The following AOPEP variants were observed in gnomAD, a reference collection of about 807,000 sequenced individuals.
AOPEP encodes aminopeptidase O.
In AOPEP, 77 loss-of-function variants were observed where a neutral mutation model predicts 98.1. The observed-to-expected ratio is 0.78, with a 90% CI of 0.65 to 0.95. AOPEP has a LOEUF of 0.95. Ranked by LOEUF, AOPEP falls within the 40% of genes least tolerant of loss-of-function variation. AOPEP has a pLI of 0.00. For missense variants in AOPEP, 1,024 were observed against 1,024.7 expected (o/e 1.00, Z 0.01); for synonymous variants, 346 against 365.3 (o/e 0.95, Z 0.60).
chr9:95,080,856 G>GTATC (rs1320445104), intron 15 of AOPEP, 76 bp downstream of exon 15: 1 of 960,960 alleles, frequency 1.0e-6, no homozygotes. Context: ...CACGTTCTCA[G>GTATC]TATCTCTTTC....
rs2056588494 is a variant in AOPEP at position 94,938,381 on chromosome 9, C to A, written c.1661+9850C>A. On this transcript the variant is annotated intron_variant, in intron 7 of 16. Transcript: ENST00000375315. ...TATTTGGAGAGCTGAAATACTGGTC[C>A]CAAGATAGATAGGTAATCCTAGGCT... is the stretch of plus-strand genomic sequence containing the variant. Among the ~76,000 whole-genome samples the A allele has an allele frequency of 2.6e-5, 4 of 151,994 alleles. No individual in the cohort carries two copies. In the South Asian group the frequency reaches 8.3e-4, roughly 32 times the overall value.
chr9:94,927,659 G>T (rs1164391784), intron 6 of AOPEP, among the ~76,000 whole-genome samples: 1 of 152,184 alleles, frequency 6.6e-6, no homozygotes, highest in African/African-American at 2.4e-5. Context: ...TGATGTTAGT[G>T]TTCCTGCCCA....
the AOPEP span, chr9:95,126,559 G>A: frequency 1.2e-6 from 2 of 1,614,046 alleles, no homozygotes; most frequent in Non-Finnish European, 1.7e-6. Flanking sequence ...CCGGAATATG[G>A]CAGGGTGGCA....
chr9:94,836,573 G>C (rs1177215161), intron 5 of AOPEP, among the ~76,000 whole-genome samples: 1 of 152,128 alleles, frequency 6.6e-6, no homozygotes, highest in Non-Finnish European at 1.5e-5. Context: ...TGAGTTTTGA[G>C]AGTTCCATTA....
At chr9:94,853,561 A>G (rs1031566088) in intron 5 of AOPEP, among the ~76,000 whole-genome samples, 5 of 152,220 alleles carry the variant, frequency 3.3e-5, no homozygotes, top group Non-Finnish European at 5.9e-5. Context: ...AAGCTTTTCT[A>G]TTATTTTTAA....
chr9:94,796,271 T>C (rs1297285394), intron 4 of AOPEP, among the ~76,000 whole-genome samples: 1 of 152,238 alleles, frequency 6.6e-6, no homozygotes, highest in Non-Finnish European at 1.5e-5. Context: ...GAGTTTTCCC[T>C]TCCTTTATCA....
At chr9:94,973,720 A>G in intron 10 of AOPEP, among the ~76,000 whole-genome samples, 1 of 152,238 alleles carries the variant, frequency 6.6e-6, no homozygotes, top group East Asian at 1.9e-4. Flanking sequence ...TAGTACGGAT[A>G]CGCAGGACTC....
At chr9:95,111,172 A>G in the AOPEP span, 1 of 1,535,744 alleles carries the variant, frequency 6.5e-7, no homozygotes, top group African/African-American at 1.4e-5. Context: ...CCTGGGGCAG[A>G]TATGGCAGCT....
intron 1 of AOPEP, among the ~76,000 whole-genome samples, chr9:94,738,213 C>T (rs1471101816): frequency 6.6e-6 from 1 of 152,180 alleles, no homozygotes; most frequent in Non-Finnish European, 1.5e-5. Flanking sequence ...GGTCAAGGGC[C>T]TTCTCTAAGG....
At chr9:94,968,754 G>A (rs898912148) in intron 10 of AOPEP, among the ~76,000 whole-genome samples, 3 of 152,182 alleles carry the variant, frequency 2.0e-5, no homozygotes, top group African/African-American at 2.4e-5. Context: ...GCTAGCATAC[G>A]TTTTAAAAGT....
the AOPEP span, among the ~76,000 whole-genome samples, chr9:95,147,578 T>C: frequency 4.6e-5 from 7 of 152,268 alleles, no homozygotes; most frequent in South Asian, 2.1e-4. Flanking sequence ...ACTCATGAGA[T>C]GGAGACATCT....
Position 94,930,003 on chromosome 9 carries a change from G to A in AOPEP, c.1661+1472G>A, listed in dbSNP as rs1169938924. On this transcript the variant is annotated intron_variant, in intron 7 of 16. Coordinates refer to ENST00000375315, the MANE Select transcript of AOPEP (RefSeq NM_001193329.3). This position sits in a 1 kb window ranked among gnomAD's most constrained non-coding sequence, Gnocchi z 4.5. Reference sequence around the variant, plus strand: ...GGCAGGCAGGAGCCAGGTCACACGAGTCTTTCCCCAAGTTCTTCAGAAGCT... The same window carrying A: ...GGCAGGCAGGAGCCAGGTCACACGAATCTTTCCCCAAGTTCTTCAGAAGCT... Among the ~76,000 whole-genome samples, 1 of 152,204 alleles carries A rather than the reference G, an allele frequency of 6.6e-6. No individual in the cohort carries two copies. Among genetic ancestry groups the A allele is most frequent in the East Asian group, 1.9e-4 (1 of 5,192 alleles).
At chr9:95,107,658 C>T in the AOPEP span, 10 of 379,960 alleles carry the variant, frequency 2.6e-5, no homozygotes, top group Non-Finnish European at 4.5e-5. Context: ...GTCAGACCTC[C>T]GCCGAGCCAG....
intron 1 of AOPEP, among the ~76,000 whole-genome samples, chr9:94,727,017 G>T (rs1339719977): frequency 6.6e-6 from 1 of 152,200 alleles, no homozygotes; most frequent in African/African-American, 2.4e-5. Context: ...CTCCCCGGCG[G>T]CACAGACCTT....
At chr9:95,107,298 G>A in the AOPEP span, 6 of 1,604,822 alleles carry the variant, frequency 3.7e-6, no homozygotes, top group South Asian at 6.6e-5. Flanking sequence ...CAGGGGAGAG[G>A]TTAGGAAGAG....
chr9:95,118,214 T>C, the AOPEP span, among the ~76,000 whole-genome samples: 3 of 152,144 alleles, frequency 2.0e-5, no homozygotes, highest in African/African-American at 7.2e-5. Flanking sequence ...AGATGGGGTT[T>C]CACCATGTTG....
chr9:95,150,183 C>A, the AOPEP span: 1 of 1,301,092 alleles, frequency 7.7e-7, no homozygotes, highest in Non-Finnish European at 1.1e-6. Flanking sequence ...AAAGACAGAT[C>A]ACCTGTTTTG....
chr9:95,008,232 C>T (rs932324772), intron 13 of AOPEP, among the ~76,000 whole-genome samples: 6 of 152,184 alleles, frequency 3.9e-5, no homozygotes, highest in African/African-American at 1.4e-4. Context: ...TCTGTCTACA[C>T]CTGCAGGCTT....
chr9:94,728,766 G>A (rs946147544), intron 1 of AOPEP, among the ~76,000 whole-genome samples: 1 of 152,200 alleles, frequency 6.6e-6, no homozygotes, highest in Non-Finnish European at 1.5e-5. Context: ...CAGGCTATGC[G>A]GGGCACGAGG....
Sources: allele counts gnomAD v4.1 joint callset (sites outside exome capture counted in the v4.1 genomes callset), GRCh38; gene constraint gnomAD v4.1.1; non-coding constraint Gnocchi (gnomAD v3.1); transcripts MANE v1.5; gene names NCBI Gene and HGNC (gene_info 2026-07-23, HGNC 2026-07-21).